Variants in XPC observed in about 807,000 individuals in gnomAD.
The protein encoded by XPC is XPC complex subunit, DNA damage recognition and repair factor.
A neutral mutation model predicts 95.8 loss-of-function variants in XPC; 76 were observed. That is an observed-to-expected ratio of 0.79 (90% confidence interval 0.66 to 0.96). XPC has a LOEUF of 0.96. Among genes scored for constraint, XPC ranks in the 40% least tolerant of loss-of-function variants. The probability of loss-of-function intolerance (pLI) is 0.00; values close to 1 mark genes in which losing one functional copy is unlikely to be tolerated. For missense variants in XPC, 1,146 were observed against 1,179.8 expected (o/e 0.97, Z 0.42); for synonymous variants, 442 against 442.1 (o/e 1.00, Z 0.00).
chr3:14,176,729 C>G (rs901773628), intron 1 of XPC, among the ~76,000 whole-genome samples: 1 of 152,164 alleles, frequency 6.6e-6, no homozygotes, highest in African/African-American at 2.4e-5. Context: ...TAGCCTTTGC[C>G]GGTTACCTAG....
intron 1 of XPC, among the ~76,000 whole-genome samples, chr3:14,176,017 G>T (rs1337035627): frequency 6.6e-6 from 1 of 152,176 alleles, no homozygotes; most frequent in Non-Finnish European, 1.5e-5. Flanking sequence ...TACCTAACAT[G>T]GGTAAAGCTA....
chr3:14,152,545 CT>C, intron 10 of XPC, 129 bp from the exon 11 acceptor site: 1 of 805,184 alleles, frequency 1.2e-6, no homozygotes, highest in Non-Finnish European at 1.9e-6. Flanking sequence ...GGCCGAGCTC[CT>C]AGGGGGCCCA....
chr3:14,154,829 TATAA>T (rs1343717506), intron 10 of XPC, among the ~76,000 whole-genome samples: 5 of 22,928 alleles, frequency 2.2e-4, no homozygotes, highest in Non-Finnish European at 3.2e-4. Context: ...TATTTATATA[TATAA>T]ATATATATAA....
At position 14,158,734 on chromosome 3, in the gene XPC, C is replaced by T. The variant is rs761062571; in HGVS notation, c.1149G>A (p.Gly383=). The change falls in exon 9 of 16, where the codon GGG becomes GGA. Residue 383 remains glycine (G), a synonymous_variant. Transcript: ENST00000285021. The surrounding 1 kb of genome is among the most constrained non-coding windows in gnomAD (Gnocchi z 5.2). ...TCTTTCTGCCTCCCTTGTTCCTCTT[C>T]CCTTTGGCACTTGGCCTGCAGGTGC... is the stretch of plus-strand genomic sequence containing the variant. ...AKGTCRPSAK[G]KRNKGGRKKR... is the part of the protein sequence containing the mutation. 37 of 1,613,812 alleles carry T rather than the reference C, an allele frequency of 2.3e-5. No homozygotes were observed. Among genetic ancestry groups the T allele is most frequent in the Admixed American group, 1.8e-4 (11 of 60,000 alleles).
In XPC at chr3:14,158,759, C is replaced by T; in HGVS notation, c.1124G>A (p.Gly375Asp). 1 of 1,613,866 alleles carries T rather than the reference C, an allele frequency of 6.2e-7. No homozygotes were observed. Among genetic ancestry groups the T allele is most frequent in the Non-Finnish European group, 8.5e-7 (1 of 1,179,878 alleles). ...GTKQEETFAK[G>D]TCRPSAKGKR... ...CCCTTTGGCACTTGGCCTGCAGGTG[C>T]CCTTAGCAAAGGTTTCCTCTTGTTT... The change falls in exon 9 of 16, where the codon GGC (glycine) becomes GAC (aspartate). Residue 375 changes from glycine to aspartate, a missense_variant. Physicochemically the swap from Gly to Asp is moderately conservative, Grantham distance 94 (BLOSUM62 -1). Transcript: ENST00000285021. The surrounding 1 kb of genome is among the most constrained non-coding windows in gnomAD (Gnocchi z 5.2).
At chr3:14,156,891 A>G (rs1241376915) in intron 9 of XPC, among the ~76,000 whole-genome samples, 1 of 152,206 alleles carries the variant, frequency 6.6e-6, no homozygotes, top group African/African-American at 2.4e-5. Context: ...TCTCACAGGA[A>G]ACTGAGAGCA....
intron 7 of XPC, 63 bp from the exon 8 acceptor site, chr3:14,159,893 T>C (rs1696100458): frequency 1.4e-6 from 2 of 1,473,706 alleles, no homozygotes; most frequent in Non-Finnish European, 1.9e-6. Flanking sequence ...ATGAGTTCAA[T>C]GTTGTTTGTT....
At chr3:14,175,661 T>G (rs775487698) in intron 1 of XPC, among the ~76,000 whole-genome samples, 9 of 152,318 alleles carry the variant, frequency 5.9e-5, no homozygotes, top group Non-Finnish European at 1.3e-4. Context: ...GGTGCTTTAG[T>G]AACACAAAGG....
intron 4 of XPC, among the ~76,000 whole-genome samples, chr3:14,168,038 G>T (rs963377365): frequency 2.0e-5 from 3 of 152,134 alleles, no homozygotes; most frequent in Non-Finnish European, 4.4e-5. Flanking sequence ...TCAATCCTTG[G>T]CACACAGGAG....
At chr3:14,165,294 T>G (rs1696330331) in intron 6 of XPC, 134 bp downstream of exon 6, 2 of 1,234,948 alleles carry the variant, frequency 1.6e-6, no homozygotes, top group East Asian at 2.6e-5. Context: ...TTTCTCTATC[T>G]TCAATGCCAT....
chr3:14,163,600 G>T (rs1454908658), intron 7 of XPC, among the ~76,000 whole-genome samples: 1 of 152,050 alleles, frequency 6.6e-6, no homozygotes, highest in East Asian at 1.9e-4. Context: ...AGGGACAGGG[G>T]GGTAACAATG....
intron 10 of XPC, among the ~76,000 whole-genome samples, chr3:14,155,506 C>T (rs897884203): frequency 6.6e-6 from 1 of 151,378 alleles, no homozygotes; most frequent in African/African-American, 2.4e-5. Flanking sequence ...CTTTTTTTAG[C>T]TATTTCTTTT....
chr3:14,147,367 G>A lies in XPC; in HGVS notation c.2527C>T (p.Arg843Trp), dbSNP rs762806473. Residue 843 changes from arginine (R) to tryptophan (W), a missense_variant, in exon 15 of 16, where the codon CGG becomes TGG. Arg to Trp is a moderately radical substitution (Grantham distance 101, BLOSUM62 -3). Coordinates refer to ENST00000285021, the MANE Select transcript of XPC (RefSeq NM_004628.5). ...ERKEKEKKEK[R>W]ALGNWKLLAK... ...AGCAACTTCCAGTTCCCTAGAGCCCGCTTCTCCTTTTTCTGCAGGCAAAAA... is the reference window on the plus strand; with the variant it reads ...AGCAACTTCCAGTTCCCTAGAGCCCACTTCTCCTTTTTCTGCAGGCAAAAA... The A allele has an allele frequency of 6.8e-6, 11 of 1,608,942 alleles. No homozygotes were observed. The highest frequency in any genetic ancestry group is 4.5e-5 in the East Asian group (2 of 44,812).
chr3:14,165,016 G>C, intron 6 of XPC, 83 bp from the exon 7 acceptor site: 1 of 1,526,898 alleles, frequency 6.5e-7, no homozygotes, highest in Non-Finnish European at 8.8e-7. Context: ...TAAAAAGAGG[G>C]AGTGAATCGT....
chr3:14,149,083 T>G (rs1695577446), intron 11 of XPC, 135 bp from the exon 12 acceptor site: 2 of 1,315,328 alleles, frequency 1.5e-6, no homozygotes, highest in Non-Finnish European at 2.1e-6. Context: ...GGGGTGCTTT[T>G]TCTCCCTTTT....
chr3:14,172,531 A>C (rs142008372), intron 2 of XPC, among the ~76,000 whole-genome samples: 25 of 152,330 alleles, frequency 1.6e-4, no homozygotes, highest in African/African-American at 5.8e-4. Context: ...TGAGGACAGT[A>C]GTATGAGATA....
intron 5 of XPC, 188 bp from the exon 6 acceptor site, chr3:14,165,773 T>A (rs1473324117): frequency 1.7e-6 from 1 of 603,322 alleles, no homozygotes; most frequent in South Asian, 2.2e-5. Context: ...TTTCTCTCTG[T>A]ATACTCATTC....
chr3:14,156,958 C>T (rs978994126), intron 9 of XPC, among the ~76,000 whole-genome samples: 12 of 152,218 alleles, frequency 7.9e-5, no homozygotes, highest in African/African-American at 2.9e-4. Context: ...TCTCTCTGCC[C>T]TTCTCTGAGA....
rs79869662 is a variant in XPC, at chr3:14,175,924, C to G, written c.103+2542G>C. On this transcript the variant is annotated intron_variant, in intron 1 of 15. Transcript: ENST00000285021. Reference sequence around the variant, plus strand: ...TGGAAGCTGCCTTGGGAACTGACTGCTAGCTCCTCTGGCTAGCAGAATAAA... The same window carrying G: ...TGGAAGCTGCCTTGGGAACTGACTGGTAGCTCCTCTGGCTAGCAGAATAAA... Among the ~76,000 whole-genome samples, 864 of 152,342 alleles carry G rather than the reference C, an allele frequency of 5.7e-3. 7 individuals carry two copies. The highest frequency in any genetic ancestry group is 0.02 in the African/African-American group (828 of 41,566).
Sources: allele counts gnomAD v4.1 joint callset (sites outside exome capture counted in the v4.1 genomes callset), GRCh38; gene constraint gnomAD v4.1.1; non-coding constraint Gnocchi (gnomAD v3.1); transcripts MANE v1.5; gene names NCBI Gene and HGNC (gene_info 2026-07-23, HGNC 2026-07-21).